The following NLRC4 variants were observed in gnomAD, a reference collection of about 807,000 sequenced individuals.
The protein encoded by NLRC4 is NLR family CARD domain-containing protein 4.
Under a neutral mutation model 79.9 loss-of-function variants are expected in NLRC4, and 63 were observed. That is an observed-to-expected ratio of 0.79 (90% CI 0.64 to 0.97). The LOEUF (loss-of-function observed/expected upper bound fraction) is 0.97, where lower values mean the gene tolerates loss of function less well. Among genes scored for constraint, NLRC4 ranks in the 50% least tolerant of loss-of-function variants. The pLI is 0.00. For synonymous variants in NLRC4, 461 were observed against 456.5 expected, an observed-to-expected ratio of 1.01 and a Z score of -0.12; for missense variants, 1,074 against 1,215.2, an observed-to-expected ratio of 0.88 and a Z score of 1.73.
In NLRC4 at chr2:32,224,720, T is replaced by A. The variant is rs2148927574; in HGVS notation, c.2828A>T (p.Asn943Ile). 2.5e-6 allele frequency: 4 copies of A among 1,600,228 alleles called. No homozygotes were observed. In the Middle Eastern group the frequency reaches 5.0e-4, roughly 200 times the overall value. ...ACTGCTCACACGATTTCCCGCCAAA[T>A]TCAACTGCTGGAAGTTTTTCAGAGG... ...KNPLKNFQQL[N>I]LAGNRVSSDG... Residue 943 changes from asparagine to isoleucine, a missense_variant, in exon 9 of 9, where the codon AAT becomes ATT. Transcript: ENST00000402280.
intron 4 of NLRC4, among the ~76,000 whole-genome samples, chr2:32,249,319 A>G (rs1040083452): frequency 6.6e-6 from 1 of 152,170 alleles, no homozygotes; most frequent in African/African-American, 2.4e-5. Context: ...ATGTTTATTC[A>G]ATATGCATGT....
intron 1 of NLRC4, among the ~76,000 whole-genome samples, chr2:32,258,276 A>C (rs1409477156): frequency 6.6e-6 from 1 of 152,132 alleles, no homozygotes; most frequent in Non-Finnish European, 1.5e-5. Flanking sequence ...CTGGACGTCC[A>C]GCTGCTTGTA....
Position 32,252,675 on chromosome 2 carries a change from A to AT in NLRC4, c.5dup (p.Asn2LysfsTer7). On this transcript the variant is annotated frameshift_variant, in exon 3 of 9. Coordinates refer to ENST00000402280, the MANE Select transcript of NLRC4 (RefSeq NM_001199138.2). LOFTEE classifies it high-confidence loss of function. Reference sequence around the variant, plus strand: ...GGGCTCGGCTATTGTCCTTTATGAAATTCACTGAGGAGATGGGGAGAAATA... The same window carrying AT: ...GGGCTCGGCTATTGTCCTTTATGAAATTTCACTGAGGAGATGGGGAGAAATA... The AT allele has an allele frequency of 6.2e-7, 1 of 1,612,424 alleles. No homozygotes were observed. The highest frequency in any genetic ancestry group is 8.5e-7 in the Non-Finnish European group (1 of 1,178,492).
At position 32,250,188 on chromosome 2, in the gene NLRC4, A is replaced by G; in HGVS notation, c.1676T>C (p.Ile559Thr). Reference sequence around the variant, plus strand: ...GGATGTACTCTCTTGATATAAATGGATGCCACACTCTACAAAGGAATTGAT... The same window carrying G: ...GGATGTACTCTCTTGATATAAATGGGTGCCACACTCTACAAAGGAATTGAT... ...ININSFVECGIHLYQESTSKS... is the reference protein window; with the variant it reads ...ININSFVECGTHLYQESTSKS... Residue 559 changes from isoleucine to threonine, a missense_variant, in exon 4 of 9, where the codon ATC becomes ACC. Transcript: ENST00000402280. This position sits in a 1 kb window ranked among gnomAD's most constrained non-coding sequence, Gnocchi z 4.9. 6.2e-7 allele frequency: 1 copy of G among 1,614,232 alleles called. No homozygotes were observed.
Position 32,236,346 on chromosome 2 carries a change from A to G in NLRC4, c.2522-7T>C, listed in dbSNP as rs763042587. 5.9e-6 allele frequency: 9 copies of G among 1,526,160 alleles called. No individual in the cohort carries two copies. Among genetic ancestry groups the G allele is most frequent in the East Asian group, 2.3e-5 (1 of 43,996 alleles). The allele number at this position is 1,526,160 out of a possible 1,614,324, so 94.5% of individuals were successfully genotyped here. ...AAATTGTGAAGATTCTGAGCTGGGGAAAAAAAGTAATCCAAAATAAAAAGA... is the reference window on the plus strand; with the variant it reads ...AAATTGTGAAGATTCTGAGCTGGGGGAAAAAAGTAATCCAAAATAAAAAGA... On this transcript the variant is annotated splice_region_variant and splice_polypyrimidine_tract_variant and intron_variant, in intron 6 of 8. Transcript: ENST00000402280.
chr2:32,225,737 C>T (rs944777660), intron 8 of NLRC4, among the ~76,000 whole-genome samples: 1 of 152,104 alleles, frequency 6.6e-6, no homozygotes, highest in African/African-American at 2.4e-5. Flanking sequence ...GACATGGGAA[C>T]TCTTACTTAC....
intron 8 of NLRC4, among the ~76,000 whole-genome samples, chr2:32,227,105 G>T (rs111748109): frequency 7.5e-4 from 114 of 151,986 alleles, no homozygotes; most frequent in Middle Eastern, 3.4e-3. Flanking sequence ...AGGTTGAAAT[G>T]ATCACAGGGC....
At chr2:32,260,972 C>T (rs1397804118) in intron 1 of NLRC4, among the ~76,000 whole-genome samples, 2 of 151,916 alleles carry the variant, frequency 1.3e-5, no homozygotes, top group African/African-American at 2.4e-5. Context: ...GCAGGCGGAT[C>T]ACAAAGTCAG....
chr2:32,241,129 T>G lies in NLRC4; in HGVS notation c.2258-4A>C. 1 of 1,575,686 alleles carries G rather than the reference T, an allele frequency of 6.3e-7. No individual in the cohort carries two copies. The highest frequency in any genetic ancestry group is 2.3e-5 in the East Asian group (1 of 44,298). On this transcript the variant is annotated splice_region_variant and splice_polypyrimidine_tract_variant and intron_variant, in intron 4 of 8. Coordinates refer to ENST00000402280, the MANE Select transcript of NLRC4 (RefSeq NM_001199138.2). Reference sequence around the variant, plus strand: ...CCCAAGCTGTCAGTCAGACCACCTGTCAAAAGAAAAAAGATTGGACTCTTT... The same window carrying G: ...CCCAAGCTGTCAGTCAGACCACCTGGCAAAAGAAAAAAGATTGGACTCTTT...
At chr2:32,252,350 G>A in intron 3 of NLRC4, 69 bp downstream of exon 3, 1 of 1,145,974 alleles carries the variant, frequency 8.7e-7, no homozygotes, top group South Asian at 1.3e-5. Context: ...GCTCTGCCAT[G>A]GGGAAGATGG....
chr2:32,259,948 G>T (rs367796451), intron 1 of NLRC4, among the ~76,000 whole-genome samples: 168 of 152,212 alleles, frequency 1.1e-3, no homozygotes, highest in African/African-American at 3.9e-3. Flanking sequence ...GAGTGTATTG[G>T]CCGGGCACGG....
intron 4 of NLRC4, among the ~76,000 whole-genome samples, chr2:32,248,762 C>A (rs542111543): frequency 2.0e-5 from 3 of 151,396 alleles, no homozygotes; most frequent in Non-Finnish European, 4.4e-5. Flanking sequence ...CAAGACCCAA[C>A]CTCGAAAAAA....
At chr2:32,234,752 A>T (rs1686632759) in intron 8 of NLRC4, among the ~76,000 whole-genome samples, 2 of 152,200 alleles carry the variant, frequency 1.3e-5, no homozygotes, top group African/African-American at 4.8e-5. Context: ...TTGGAAGGAG[A>T]TCCTCCAGCA....
At chr2:32,264,587 T>A (rs925713071) in intron 1 of NLRC4, among the ~76,000 whole-genome samples, 151 bp downstream of exon 1, 2 of 151,934 alleles carry the variant, frequency 1.3e-5, no homozygotes, top group African/African-American at 4.8e-5. Context: ...TAAAGGTTTC[T>A]CGGCAGGCAA....
rs1415927391 is a variant in NLRC4 at position 32,251,375 on chromosome 2, G to A, written c.489C>T (p.Ser163=). The A allele has an allele frequency of 9.9e-6, 16 of 1,614,060 alleles. No individual in the cohort carries two copies. The highest frequency in any genetic ancestry group is 1.2e-5 in the Non-Finnish European group (14 of 1,179,922). Residue 163 remains serine (S), a synonymous_variant, in exon 4 of 9, where the codon AGC becomes AGT. Coordinates refer to ENST00000402280, the MANE Select transcript of NLRC4 (RefSeq NM_001199138.2). ...CAGATTCCCCTTCAATGATGCAGGG[G>A]CTCTGAAGAGCCTGCAGGAGGCCAT... The part of the protein sequence containing the change: ...TLNGLLQALQ[S]PCIIEGESGK...
intron 1 of NLRC4, among the ~76,000 whole-genome samples, chr2:32,257,743 C>A (rs1347239031): frequency 2.6e-5 from 4 of 151,798 alleles, no homozygotes; most frequent in Admixed American, 2.0e-4. Flanking sequence ...GGGAAAAGTT[C>A]TCTTGTCCCC....
intron 1 of NLRC4, among the ~76,000 whole-genome samples, chr2:32,259,720 A>G (rs1687293095): frequency 6.6e-6 from 1 of 152,080 alleles, no homozygotes; most frequent in Admixed American, 6.6e-5. Context: ...TTCCCAGTCA[A>G]ATTCCATCTC....
intron 8 of NLRC4, among the ~76,000 whole-genome samples, chr2:32,230,142 TTAGG>T (rs899401429): frequency 2.0e-5 from 3 of 152,180 alleles, no homozygotes; most frequent in Admixed American, 6.5e-5. Flanking sequence ...GAGACTGCCC[TTAGG>T]TAGGAGAAGA....
At chr2:32,231,215 C>T (rs764046179) in intron 8 of NLRC4, among the ~76,000 whole-genome samples, 2 of 152,052 alleles carry the variant, frequency 1.3e-5, no homozygotes, top group Non-Finnish European at 2.9e-5. Flanking sequence ...AGTGCAGTGG[C>T]GCAATCTCGG....
Sources: gnomAD v4.1 joint callset for allele counts (sites outside exome capture counted in the v4.1 genomes callset) on GRCh38, gnomAD v4.1.1 for gene constraint, Gnocchi (gnomAD v3.1) non-coding constraint, MANE v1.5 for transcripts, NCBI Gene and HGNC (gene_info 2026-07-23, HGNC 2026-07-21) for gene names.